The following SYT14 variants were observed in gnomAD, a reference collection of about 807,000 sequenced individuals.
SYT14 encodes synaptotagmin 14, also known as synaptotagmin-14.
A neutral mutation model predicts 74.2 loss-of-function variants in SYT14; 32 were observed. The observed-to-expected ratio is 0.43, with a 90% CI of 0.33 to 0.58. The LOEUF (loss-of-function observed/expected upper bound fraction) is 0.58, where lower values mean the gene tolerates loss of function less well. Ranked by LOEUF, SYT14 falls within the 20% of genes least tolerant of loss-of-function variation. The pLI is 0.05. For synonymous variants in SYT14, 298 were observed against 337.7 expected (o/e 0.88, Z 1.29); for missense variants, 791 against 981.8 (o/e 0.81, Z 2.60).
At chr1:210,008,520 C>T (rs774288972) in intron 2 of SYT14, among the ~76,000 whole-genome samples, 1 of 152,122 alleles carries the variant, frequency 6.6e-6, no homozygotes, top group Non-Finnish European at 1.5e-5. Flanking sequence ...CCCGCCACCA[C>T]ACCCGGCTAA....
chr1:210,131,478 T>C, intron 7 of SYT14, among the ~76,000 whole-genome samples: 1 of 152,020 alleles, frequency 6.6e-6, no homozygotes, highest in East Asian at 1.9e-4. Flanking sequence ...ATATCTTTCA[T>C]GCCTTATGCC....
chr1:210,032,487 A>C (rs1400069691), intron 5 of SYT14, among the ~76,000 whole-genome samples: 1 of 151,976 alleles, frequency 6.6e-6, no homozygotes, highest in Non-Finnish European at 1.5e-5. Context: ...CCAAGTTATC[A>C]TTTATTTCCT....
exon 10 of SYT14, chr1:210,169,065 T>G (rs1307932575): frequency 2.0e-5 from 3 of 152,036 alleles, no homozygotes; most frequent in Non-Finnish European, 4.4e-5. Context: ...CACATTCTTT[T>G]TATTTTAAAT....
chr1:210,152,500 G>A (rs1371654477), intron 7 of SYT14, among the ~76,000 whole-genome samples: 2 of 151,838 alleles, frequency 1.3e-5, no homozygotes, highest in East Asian at 3.9e-4. Context: ...TTTTATCGTT[G>A]TATATTCATT....
At chr1:210,018,541 G>A (rs1299535684) in intron 4 of SYT14, among the ~76,000 whole-genome samples, 1 of 152,000 alleles carries the variant, frequency 6.6e-6, no homozygotes, top group Non-Finnish European at 1.5e-5. Flanking sequence ...ATGTAAAATA[G>A]TTTACATATT....
intron 5 of SYT14, among the ~76,000 whole-genome samples, chr1:210,026,802 G>A (rs3031256): frequency 9.4e-5 from 12 of 127,404 alleles, no homozygotes; most frequent in Admixed American, 5.6e-4. Flanking sequence ...GTAATAGATT[G>A]TTTATATTTC....
At chr1:209,939,603 A>G (rs2078697374) in intron 1 of SYT14, among the ~76,000 whole-genome samples, 1 of 152,216 alleles carries the variant, frequency 6.6e-6, no homozygotes, top group South Asian at 2.1e-4. Context: ...TACTTTCAAC[A>G]TTTGTTTCCC....
At chr1:209,963,098 C>A (rs776692040) in intron 2 of SYT14, among the ~76,000 whole-genome samples, 1 of 152,174 alleles carries the variant, frequency 6.6e-6, no homozygotes, top group African/African-American at 2.4e-5. Context: ...GCTACCGGAA[C>A]AGAAAGACTA....
intron 2 of SYT14, among the ~76,000 whole-genome samples, chr1:209,958,088 AT>A (rs1233388963): frequency 1.3e-5 from 2 of 151,944 alleles, no homozygotes; most frequent in East Asian, 1.9e-4. Flanking sequence ...TCTGAAATTG[AT>A]TTTTTATATG....
intron 7 of SYT14, among the ~76,000 whole-genome samples, chr1:210,143,024 C>CT: frequency 6.6e-6 from 1 of 152,156 alleles, no homozygotes; most frequent in Non-Finnish European, 1.5e-5. Flanking sequence ...GGTAGAACTA[C>CT]TCCTAGCTCT....
At chr1:210,153,028 C>T (rs2083198185) in intron 7 of SYT14, among the ~76,000 whole-genome samples, 1 of 152,062 alleles carries the variant, frequency 6.6e-6, no homozygotes, top group South Asian at 2.1e-4. Flanking sequence ...TACAAACTAT[C>T]CATTCTATTG....
rs536635892 is a variant in SYT14, at chr1:209,969,138, A to G, written c.-486+16382A>G. Among the ~76,000 whole-genome samples the G allele has an allele frequency of 6.6e-5, 10 of 152,098 alleles. No individual in the cohort carries two copies. In the South Asian group the frequency reaches 1.0e-3, roughly 16 times the overall value. On this transcript the variant is annotated intron_variant, in intron 2 of 9. Coordinates refer to ENST00000637265, the Ensembl canonical transcript of SYT14. Reference sequence around the variant, plus strand: ...TTTATGGACACATTTTCTTTATTCAATCCACTGTTGATGGGCACCTAGGTT... The same window carrying G: ...TTTATGGACACATTTTCTTTATTCAGTCCACTGTTGATGGGCACCTAGGTT...
chr1:209,998,022 G>T (rs115620723), intron 2 of SYT14, among the ~76,000 whole-genome samples: 4,624 of 151,986 alleles, frequency 0.03, 242 homozygotes, highest in African/African-American at 0.11. Context: ...AAATTTTGCC[G>T]TCTTTTTTGT....
intron 5 of SYT14, among the ~76,000 whole-genome samples, chr1:210,061,904 G>A (rs1558162072): frequency 6.6e-6 from 1 of 151,484 alleles, no homozygotes. Context: ...TCAGTATTTA[G>A]AGTTAATTTT....
exon 10 of SYT14, chr1:210,163,092 C>T (rs1368214098): frequency 6.6e-6 from 3 of 453,258 alleles, no homozygotes; most frequent in Admixed American, 4.7e-5. Flanking sequence ...ACTTTTTAGA[C>T]TTTGAAACAA....
At chr1:209,996,123 A>G (rs2079785746) in intron 2 of SYT14, among the ~76,000 whole-genome samples, 1 of 152,146 alleles carries the variant, frequency 6.6e-6, no homozygotes, top group South Asian at 2.1e-4. Flanking sequence ...AGAAAGAACT[A>G]AAATTAGAGA....
chr1:210,057,302 G>A (rs2081117777), intron 5 of SYT14, among the ~76,000 whole-genome samples: 1 of 152,118 alleles, frequency 6.6e-6, no homozygotes, highest in Admixed American at 6.5e-5. Context: ...CATGCATCAT[G>A]GCTGACTTTG....
In SYT14 at chr1:210,021,039, A is replaced by G. The variant is rs777844217; in HGVS notation, c.1097A>G (p.Asp366Gly). Residue 366 changes from aspartate (D) to glycine (G), a missense_variant and splice_region_variant, in exon 5 of 10, where the codon GAT (aspartate) becomes GGT (glycine). By Grantham distance (94) the Asp-to-Gly change is moderately conservative. Transcript: ENST00000637265. The stretch of plus-strand genomic sequence containing the variant: ...TTGTTCTTCATGTCATTCCAAATAG[A>G]TAATTCCTACATGGACAAAGATGAG... The G allele has an allele frequency of 4.3e-6, 7 of 1,613,502 alleles. No homozygotes were observed. In the South Asian group the frequency reaches 7.7e-5, roughly 18 times the overall value.
chr1:210,155,740 G>A lies in SYT14; in HGVS notation c.2054G>A (p.Ser685Asn), dbSNP rs752196611. ...TTACAGGGCTGTGACTCCCAAATGA[G>A]CGTGTCAGAAATGTCGTGTAGTGAA... Residue 685 changes from serine (S) to asparagine (N), a missense_variant, in exon 8 of 10, where the codon AGC becomes AAC. Ser to Asn is a conservative substitution (Grantham distance 46). Transcript: ENST00000637265. 22 of 1,614,002 alleles carry A rather than the reference G, an allele frequency of 1.4e-5. No individual in the cohort carries two copies. Among genetic ancestry groups the A allele is most frequent in the Non-Finnish European group, 1.9e-5 (22 of 1,179,984 alleles).
Sources: gnomAD v4.1 joint callset for allele counts (sites outside exome capture counted in the v4.1 genomes callset) on GRCh38, gnomAD v4.1.1 for gene constraint, MANE v1.5 for transcripts, NCBI Gene and HGNC (gene_info 2026-07-23, HGNC 2026-07-21) for gene names.